The following CTSC variants were observed in gnomAD, a reference collection of about 807,000 sequenced individuals.
CTSC encodes cathepsin C.
CTSC carries 37 observed loss-of-function variants against 40.9 expected under a neutral mutation model. The observed-to-expected ratio is 0.91, with a 90% confidence interval of 0.70 to 1.19. CTSC has a LOEUF of 1.19. CTSC is among the 50% of genes most tolerant of loss of function. The probability of loss-of-function intolerance (pLI) is 0.00; values close to 1 mark genes in which losing one functional copy is unlikely to be tolerated. For synonymous variants in CTSC, 232 were observed against 207.4 expected (o/e 1.12, Z -1.02); for missense variants, 594 against 567.3 (o/e 1.05, Z -0.48).
At chr11:88,329,791 A>G (rs1237124556) in intron 2 of CTSC, among the ~76,000 whole-genome samples, 2 of 152,134 alleles carry the variant, frequency 1.3e-5, no homozygotes, top group African/African-American at 2.4e-5. Context: ...CAGTGGTGCA[A>G]TCTCAGCTCA....
rs1406340703 is a variant in CTSC, at chr11:88,325,308, C to G, written c.318+9629G>C. 5 of 985,228 alleles carry G rather than the reference C, an allele frequency of 5.1e-6. No individual in the cohort carries two copies. The East Asian group carries it at 5.7e-4, about 112-fold the overall frequency. 61.0% of individuals were successfully genotyped at this position (985,228 alleles called of 1,614,324 possible). A position where few individuals can be genotyped will look rare whatever the true frequency, so the allele number is the denominator to read the frequency against. On this transcript the variant is annotated intron_variant, in intron 2 of 6. Coordinates refer to ENST00000227266, the MANE Select transcript of CTSC (RefSeq NM_001814.6). ...AGTTTTGGTCTTCAATGAAAAAACC[C>G]TGGTTTAGGCAAGAAAGTCAGTAGC...
Position 88,319,645 on chromosome 11 carries a change from G to C in CTSC, c.319-7091C>G, listed in dbSNP as rs560824700. On this transcript the variant is annotated intron_variant, in intron 2 of 6. Transcript: ENST00000227266. Reference sequence around the variant, plus strand: ...TGATATCTTCTTAAAATATATTTTGGGTAGGGCACAATTTTATGACATTAA... The same window carrying C: ...TGATATCTTCTTAAAATATATTTTGCGTAGGGCACAATTTTATGACATTAA... Among the ~76,000 whole-genome samples, 13 of 151,892 alleles carry C rather than the reference G, an allele frequency of 8.6e-5. No homozygotes were observed. The South Asian group carries it at 2.7e-3, about 32-fold the overall frequency.
In CTSC at chr11:88,313,222, A is replaced by C. The variant is rs80305371; in HGVS notation, c.319-668T>G. Among the ~76,000 whole-genome samples, 844 of 152,254 alleles carry C rather than the reference A, an allele frequency of 5.5e-3. 8 individuals are homozygous for C. Among genetic ancestry groups the C allele is most frequent in the East Asian group, 0.036 (185 of 5,186 alleles). On this transcript the variant is annotated intron_variant, in intron 2 of 6. Transcript: ENST00000227266. Reference sequence around the variant, plus strand: ...GTAGCTGGGATTAAAGGTGCTTACCACCACGCCTGGCTAATTTTTGTATTG... The same window carrying C: ...GTAGCTGGGATTAAAGGTGCTTACCCCCACGCCTGGCTAATTTTTGTATTG...
intron 4 of CTSC, among the ~76,000 whole-genome samples, chr11:88,304,508 CTG>C (rs1363946461): frequency 1.3e-5 from 2 of 152,142 alleles, no homozygotes; most frequent in Non-Finnish European, 2.9e-5. Flanking sequence ...AGTGTGAGAA[CTG>C]AGGCTTAATG....
intron 2 of CTSC, among the ~76,000 whole-genome samples, chr11:88,327,418 T>C (rs1028356187): frequency 1.3e-5 from 2 of 152,200 alleles, no homozygotes; most frequent in African/African-American, 4.8e-5. Context: ...TATGTTAAAA[T>C]GCAAGGAAGG....
At chr11:88,330,861 TTC>T (rs749994184) in intron 2 of CTSC, among the ~76,000 whole-genome samples, 1 of 152,228 alleles carries the variant, frequency 6.6e-6, no homozygotes, top group South Asian at 2.1e-4. Context: ...TAAAAAATGT[TTC>T]TCTTTCAGAT....
intron 2 of CTSC, chr11:88,328,138 T>C: frequency 6.2e-7 from 1 of 1,613,520 alleles, no homozygotes; most frequent in African/African-American, 1.3e-5. Flanking sequence ...ATGTGGCAAA[T>C]CATATATCCC....
At chr11:88,324,180 G>A (rs927626924) in intron 2 of CTSC, 1 of 153,882 alleles carries the variant, frequency 6.5e-6, no homozygotes, top group African/African-American at 2.4e-5. Flanking sequence ...AATAAATGGT[G>A]CTGGGAGAAC....
intron 6 of CTSC, among the ~76,000 whole-genome samples, chr11:88,294,876 G>A (rs1944281617): frequency 6.6e-6 from 1 of 152,166 alleles, no homozygotes; most frequent in Non-Finnish European, 1.5e-5. Flanking sequence ...GGTTAAATTA[G>A]TTACTTCATG....
chr11:88,327,004 T>C (rs1236268347), intron 2 of CTSC, among the ~76,000 whole-genome samples: 1 of 152,264 alleles, frequency 6.6e-6, no homozygotes, highest in Middle Eastern at 3.4e-3. Flanking sequence ...CTGGGAAAAG[T>C]TTCCTATTGC....
At chr11:88,314,127 A>T (rs973801163) in intron 2 of CTSC, among the ~76,000 whole-genome samples, 3 of 152,226 alleles carry the variant, frequency 2.0e-5, no homozygotes, top group Admixed American at 6.5e-5. Context: ...GAGGTTGGCA[A>T]ACTTCTTTTT....
At chr11:88,301,835 C>CACACAG (rs1400376232) in intron 4 of CTSC, among the ~76,000 whole-genome samples, 122 of 150,700 alleles carry the variant, frequency 8.1e-4, no homozygotes, top group African/African-American at 2.3e-3. Context: ...CACACACACA[C>CACACAG]AGAGAGAGAA....
intron 2 of CTSC, among the ~76,000 whole-genome samples, chr11:88,333,147 G>A (rs2059182927): frequency 6.6e-6 from 1 of 152,094 alleles, no homozygotes; most frequent in Non-Finnish European, 1.5e-5. Context: ...AATAAAAGAA[G>A]AAAACTGCTT....
At chr11:88,328,478 A>G (rs1246233607) in intron 2 of CTSC, among the ~76,000 whole-genome samples, 1 of 152,250 alleles carries the variant, frequency 6.6e-6, no homozygotes, top group Admixed American at 6.5e-5. Context: ...AGGCTCAGTG[A>G]AAAAATGTCA....
chr11:88,315,551 T>C (rs1411571029), intron 2 of CTSC, among the ~76,000 whole-genome samples: 1 of 152,238 alleles, frequency 6.6e-6, no homozygotes, highest in Admixed American at 6.5e-5. Context: ...CCCATTCATT[T>C]ATACATTGTC....
chr11:88,324,718 T>C (rs926133285), intron 2 of CTSC: 3 of 985,140 alleles, frequency 3.0e-6, no homozygotes, highest in African/African-American at 1.7e-5. Flanking sequence ...ACCTGCGATA[T>C]GCAATGGGAA....
chr11:88,333,141 AAAG>A (rs1218875956), intron 2 of CTSC, among the ~76,000 whole-genome samples: 2 of 152,362 alleles, frequency 1.3e-5, no homozygotes, highest in Middle Eastern at 3.4e-3. Context: ...AAAAATAATA[AAAG>A]AAGAAAACTG....
Position 88,324,183 on chromosome 11 carries a change from G to A in CTSC, c.318+10754C>T, listed in dbSNP as rs560837037. 1.9e-5 allele frequency: 3 copies of A among 154,352 alleles called. No individual in the cohort carries two copies. In the East Asian group the frequency reaches 5.8e-4, roughly 30 times the overall value. 9.6% of individuals were successfully genotyped at this position (154,352 alleles called of 1,614,324 possible). A position where few individuals can be genotyped will look rare whatever the true frequency, so the allele number is the denominator to read the frequency against. On this transcript the variant is annotated intron_variant, in intron 2 of 6. Coordinates refer to ENST00000227266, the MANE Select transcript of CTSC (RefSeq NM_001814.6). ...GATTCCCTATTTAATAAATGGTGCT[G>A]GGAGAACTGGCTAGCCATACGCAGA...
At chr11:88,306,372 C>T (rs1937632169) in intron 4 of CTSC, among the ~76,000 whole-genome samples, 2 of 152,056 alleles carry the variant, frequency 1.3e-5, no homozygotes, top group Admixed American at 1.3e-4. Context: ...GACCTAAGGC[C>T]CTAAGAGAAG....
Sources: gnomAD v4.1 joint callset for allele counts (sites outside exome capture counted in the v4.1 genomes callset) on GRCh38, gnomAD v4.1.1 for gene constraint, MANE v1.5 for transcripts, NCBI Gene and HGNC (gene_info 2026-07-23, HGNC 2026-07-21) for gene names.